Variants in INSR observed in about 807,000 individuals in gnomAD.
The protein encoded by INSR is insulin receptor.
A neutral mutation model predicts 142.6 loss-of-function variants in INSR; 67 were observed. The observed-to-expected ratio is 0.47, with a 90% CI of 0.39 to 0.58. The LOEUF is 0.58. INSR is among the 20% of genes least tolerant of loss of function. The pLI is 0.00. For synonymous variants in INSR, 756 were observed against 743.1 expected (o/e 1.02, Z -0.28); for missense variants, 1,248 against 1,833.2 (o/e 0.68, Z 5.83).
chr19:7,279,197 CATCTATA>C, intron 1 of INSR, among the ~76,000 whole-genome samples: 1 of 151,856 alleles, frequency 6.6e-6, no homozygotes, highest in South Asian at 2.1e-4. Context: ...CAGTGGCTCA[CATCTATA>C]ATCCCAGCCC....
rs1172323569 is a variant in INSR at position 7,166,737 on chromosome 19, T to C, written c.1611-333A>G. Among the ~76,000 whole-genome samples the C allele has an allele frequency of 6.6e-6, 1 of 151,924 alleles. No individual in the cohort carries two copies. The highest frequency in any genetic ancestry group is 1.9e-4 in the East Asian group (1 of 5,170). On this transcript the variant is annotated intron_variant, in intron 7 of 21. Transcript: ENST00000302850. This position sits in a 1 kb window ranked among gnomAD's most constrained non-coding sequence, Gnocchi z 4.1. Reference sequence around the variant, plus strand: ...GAGTTCGAGACCAGCCTGGCCAACATGGTGAAACCCCGTCTCTACTAAAAA... The same window carrying C: ...GAGTTCGAGACCAGCCTGGCCAACACGGTGAAACCCCGTCTCTACTAAAAA...
rs1423929341 is a variant in INSR, at chr19:7,152,718, G to C, written c.2231+8C>G. Reference sequence around the variant, plus strand: ...ACCCACTAAGAGAGCCCAGCGCCAAGTCCTGACCTGGGGACGAAAACCACG... The same window carrying C: ...ACCCACTAAGAGAGCCCAGCGCCAACTCCTGACCTGGGGACGAAAACCACG... On this transcript the variant is annotated splice_region_variant and intron_variant, in intron 10 of 21. Coordinates refer to ENST00000302850, the MANE Select transcript of INSR (RefSeq NM_000208.4). The C allele has an allele frequency of 1.2e-6, 2 of 1,610,852 alleles. No individual in the cohort carries two copies. Among genetic ancestry groups the C allele is most frequent in the Middle Eastern group, 2.1e-4 (1 of 4,804 alleles).
chr19:7,152,565 C>T (rs2144890369), intron 10 of INSR, 161 bp downstream of exon 10: 1 of 735,086 alleles, frequency 1.4e-6, no homozygotes, highest in East Asian at 2.5e-5. Context: ...AATTTCGAAA[C>T]TGCAAGATCT....
At position 7,116,700 on chromosome 19, in the gene INSR, C is replaced by CAAAAAAAAAAAAAAAAAAAAAA. The variant is rs71177157; in HGVS notation, c.*355_*356insTTTTTTTTTTTTTTTTTTTTTT. 2.0e-5 allele frequency: 1 copy of CAAAAAAAAAAAAAAAAAAAAAA among 50,498 alleles called. No homozygotes were observed. Among genetic ancestry groups the CAAAAAAAAAAAAAAAAAAAAAA allele is most frequent in the Non-Finnish European group, 3.4e-5 (1 of 28,992 alleles). 3.1% of individuals were successfully genotyped at this position (50,498 alleles called of 1,614,324 possible). Reference sequence around the variant, plus strand: ...TTTTATACTGAAGCTCAGACACCAGCAAAAAAAAAAAAAAAAAAAAAGAAT... The same window carrying CAAAAAAAAAAAAAAAAAAAAAA: ...TTTTATACTGAAGCTCAGACACCAGCAAAAAAAAAAAAAAAAAAAAAAAAAAAAAAAAAAAAAAAAAAAGAAT... On this transcript the variant is annotated 3_prime_UTR_variant, in exon 22 of 22. Coordinates refer to ENST00000302850, the MANE Select transcript of INSR (RefSeq NM_000208.4).
intron 2 of INSR, among the ~76,000 whole-genome samples, chr19:7,197,514 GGGGTGT>G (rs1364099331): frequency 0.049 from 1,327 of 26,972 alleles, 217 homozygotes; most frequent in African/African-American, 0.11. Flanking sequence ...AGTGGGAGTG[GGGGTGT>G]GTGTGTGTGT....
chr19:7,293,902 G>T lies in INSR; in HGVS notation c.-11C>A, dbSNP rs1193143533. ...GCCCCCGGTGGCCATGGCTGCGGGA[G>T]CGCGGGGTCTCCTCGGATCAGAGCG... On this transcript the variant is annotated 5_prime_UTR_variant, in exon 1 of 22. Coordinates refer to ENST00000302850, the MANE Select transcript of INSR (RefSeq NM_000208.4). 3 of 1,212,026 alleles carry T rather than the reference G, an allele frequency of 2.5e-6. No homozygotes were observed. The highest frequency in any genetic ancestry group is 7.4e-5 in the South Asian group (2 of 27,144). 75.1% of individuals were successfully genotyped at this position (1,212,026 alleles called of 1,614,324 possible).
At chr19:7,129,591 C>G (rs1477850801) in intron 14 of INSR, among the ~76,000 whole-genome samples, 1 of 152,196 alleles carries the variant, frequency 6.6e-6, no homozygotes, top group Non-Finnish European at 1.5e-5. Context: ...TCCGAAAGTA[C>G]TGGGATGACA....
At chr19:7,180,529 C>CAAAGAAAAA (rs1389502002) in intron 3 of INSR, among the ~76,000 whole-genome samples, 1,604 of 91,880 alleles carry the variant, frequency 0.017, 60 homozygotes, top group African/African-American at 0.057. Context: ...GACCTTGTCT[C>CAAAGAAAAA]AAAAAAAAAA....
intron 2 of INSR, among the ~76,000 whole-genome samples, chr19:7,253,142 C>T (rs1005480027): frequency 6.6e-6 from 1 of 151,812 alleles, no homozygotes; most frequent in African/African-American, 2.4e-5. Flanking sequence ...GCCACAGGAC[C>T]CTCTACCCCA....
intron 1 of INSR, among the ~76,000 whole-genome samples, chr19:7,286,943 C>T (rs760754996): frequency 1.3e-5 from 2 of 151,846 alleles, no homozygotes; most frequent in Non-Finnish European, 2.9e-5. Context: ...CCCTTCCAGC[C>T]TCAAGAGGTC....
At chr19:7,128,192 G>A (rs182686654) in intron 15 of INSR, among the ~76,000 whole-genome samples, 416 of 151,388 alleles carry the variant, frequency 2.7e-3, no homozygotes, top group African/African-American at 9.5e-3. Flanking sequence ...GAACATATAT[G>A]TCTTATTTCA....
chr19:7,289,405 C>CTTTTTT (rs777933899), intron 1 of INSR, among the ~76,000 whole-genome samples: 1 of 130,220 alleles, frequency 7.7e-6, no homozygotes, highest in Non-Finnish European at 1.7e-5. Flanking sequence ...TTTTTCTTTT[C>CTTTTTT]TTTTTTTTTT....
intron 3 of INSR, among the ~76,000 whole-genome samples, chr19:7,183,914 C>G (rs1449851761): frequency 6.6e-6 from 1 of 151,812 alleles, no homozygotes; most frequent in Non-Finnish European, 1.5e-5. Context: ...CAAAAATTAG[C>G]CGGGCATGGT....
intron 14 of INSR, among the ~76,000 whole-genome samples, chr19:7,130,675 G>A (rs8106714): frequency 0.13 from 19,393 of 152,068 alleles, 1,275 homozygotes; most frequent in African/African-American, 0.16. Flanking sequence ...CTGAGCAGAT[G>A]CCAGCATCAT....
In INSR at chr19:7,152,779, G is replaced by T. The variant is rs759391100; in HGVS notation, c.2178C>A (p.Ser726=). ...DSQILKELEE[S]SFRKTFEDYL... Reference sequence around the variant, plus strand: ...AATCCTCAAACGTCTTCCTAAACGAGGACTCCTCCAGCTCCTTCAGGATCT... The same window carrying T: ...AATCCTCAAACGTCTTCCTAAACGATGACTCCTCCAGCTCCTTCAGGATCT... The change falls in exon 10 of 22, where the codon TCC becomes TCA. Residue 726 remains serine (S), a synonymous_variant. Transcript: ENST00000302850. 9.5e-5 allele frequency: 154 copies of T among 1,613,200 alleles called. 3 individuals carry two copies. In the South Asian group the frequency reaches 1.5e-3, roughly 16 times the overall value.
In INSR at chr19:7,178,247, G is replaced by A. The variant is rs542658002; in HGVS notation, c.975-3516C>T. On this transcript the variant is annotated intron_variant, in intron 3 of 21. Coordinates refer to ENST00000302850, the MANE Select transcript of INSR (RefSeq NM_000208.4). Reference sequence around the variant, plus strand: ...TAGGAATGTCGGGGTGACTTGTGGGGGGGGGGGTGCCTAGATAACATGAGG... The same window carrying A: ...TAGGAATGTCGGGGTGACTTGTGGGAGGGGGGGTGCCTAGATAACATGAGG... 3.0e-5 allele frequency among the ~76,000 whole-genome samples: 4 copies of A among 134,884 alleles called. No individual in the cohort carries two copies. The South Asian group carries it at 1.1e-3, about 38-fold the overall frequency. The allele number at this position is 134,884 out of a possible 152,430, so 88.5% of individuals were successfully genotyped here. A position where few individuals can be genotyped will look rare whatever the true frequency, so the allele number is the denominator to read the frequency against.
intron 2 of INSR, among the ~76,000 whole-genome samples, chr19:7,226,279 G>A (rs977427019): frequency 1.3e-5 from 2 of 151,936 alleles, no homozygotes; most frequent in South Asian, 2.1e-4. Context: ...GCATGGTGGC[G>A]TGTGCCTGTA....
chr19:7,225,970 A>T lies in INSR; in HGVS notation c.653-41333T>A, dbSNP rs1050208783. Among the ~76,000 whole-genome samples the T allele has an allele frequency of 6.6e-6, 1 of 152,184 alleles. No individual in the cohort carries two copies. Among genetic ancestry groups the T allele is most frequent in the Non-Finnish European group, 1.5e-5 (1 of 68,032 alleles). On this transcript the variant is annotated intron_variant, in intron 2 of 21. Coordinates refer to ENST00000302850, the MANE Select transcript of INSR (RefSeq NM_000208.4). The surrounding 1 kb of genome is among the most constrained non-coding windows in gnomAD (Gnocchi z 4.7). ...CCCAGTATCCGCAGGCCCCAGGTGG[A>T]GAAACCCCGTCCCGGAATGAGAAGC...
intron 2 of INSR, among the ~76,000 whole-genome samples, chr19:7,251,576 TA>T (rs112508425): frequency 3.0e-4 from 45 of 150,128 alleles, no homozygotes; most frequent in African/African-American, 4.2e-4. Flanking sequence ...TTTTTTTTTT[TA>T]ATGGGCAAAG....
Sources: gnomAD v4.1 joint callset for allele counts (sites outside exome capture counted in the v4.1 genomes callset) on GRCh38, gnomAD v4.1.1 for gene constraint, Gnocchi (gnomAD v3.1) non-coding constraint, MANE v1.5 for transcripts, NCBI Gene and HGNC (gene_info 2026-07-23, HGNC 2026-07-21) for gene names.